Variants in GBP5 observed in about 807,000 individuals in gnomAD.
The protein encoded by GBP5 is guanylate binding protein 5, also known as guanylate-binding protein 5.
A neutral mutation model predicts 58.2 loss-of-function variants in GBP5; 48 were observed. The observed-to-expected ratio is 0.83, with a 90% confidence interval of 0.65 to 1.05. The LOEUF is 1.05. GBP5 is among the 50% of genes least tolerant of loss of function. The pLI is 0.00. For missense variants in GBP5, 714 were observed against 686.8 expected (o/e 1.04, Z -0.44); for synonymous variants, 248 against 251.8 (o/e 0.98, Z 0.14).
Position 89,263,833 on chromosome 1 carries a change from T to C in GBP5, c.1265A>G (p.Gln422Arg), listed in dbSNP as rs1296094878. 1.9e-6 allele frequency: 3 copies of C among 1,613,222 alleles called. No homozygotes were observed. In the South Asian group the frequency reaches 3.3e-5, roughly 18 times the overall value. The change falls in exon 9 of 12, where the codon CAG becomes CGG. Residue 422 changes from glutamine to arginine, a missense_variant. Transcript: ENST00000370459. ...IFGPLEEAVK[Q>R]GIYSKPGGHN... ...GCCTCCTGGCTTAGAATAAATTCCC[T>C]GCTTCACTGCTTCTTCTAGAGGACC... is the stretch of plus-strand genomic sequence containing the variant.
rs79636515 is a variant in GBP5 at position 89,267,881 on chromosome 1, C to T, written c.319-355G>A. Among the ~76,000 whole-genome samples the T allele has an allele frequency of 4.7e-3, 719 of 152,178 alleles. 29 individuals carry two copies. In the East Asian group the frequency reaches 0.086, roughly 18 times the overall value. On this transcript the variant is annotated intron_variant, in intron 4 of 11. Coordinates refer to ENST00000370459, the MANE Select transcript of GBP5 (RefSeq NM_052942.5). ...ATGCAGTTCACATTAATGATCTTAT[C>T]GAATTCTAAAAAATAGTGCTGTGAG...
At chr1:89,270,560 A>T (rs1650402919) in intron 2 of GBP5, 195 bp downstream of exon 2, 1 of 152,184 alleles carries the variant, frequency 6.6e-6, no homozygotes, top group South Asian at 2.1e-4. Context: ...CATTATGTTG[A>T]CATAAATTAA....
Position 89,258,575 on chromosome 1 carries a change from C to G in GBP5, c.*2129G>C, listed in dbSNP as rs1272725001. 6.6e-6 allele frequency among the ~76,000 whole-genome samples: 1 copy of G among 151,992 alleles called. No individual in the cohort carries two copies. Among genetic ancestry groups the G allele is most frequent in the Non-Finnish European group, 1.5e-5 (1 of 68,002 alleles). On this transcript the variant is annotated 3_prime_UTR_variant, in exon 12 of 12. Coordinates refer to ENST00000370459, the MANE Select transcript of GBP5 (RefSeq NM_052942.5). ...CACATCCTATCTGATATGAAAAATT[C>G]CTCATATTAAAGCTCTTCAAAGAAC...
At chr1:89,266,035 A>G (rs976346862) in intron 7 of GBP5, among the ~76,000 whole-genome samples, 2 of 152,224 alleles carry the variant, frequency 1.3e-5, no homozygotes, top group African/African-American at 4.8e-5. Flanking sequence ...AAATACTGTG[A>G]CACATAATAA....
chr1:89,260,177 C>T lies in GBP5; in HGVS notation c.*527G>A, dbSNP rs1649950261. ...ACACAACCTAGATCTTTTGCATGCA[C>T]AGTTCACAATAGGGTTCCCACTCCT... On this transcript the variant is annotated 3_prime_UTR_variant, in exon 12 of 12. Coordinates refer to ENST00000370459, the MANE Select transcript of GBP5 (RefSeq NM_052942.5). 6.5e-6 allele frequency: 1 copy of T among 153,176 alleles called. No homozygotes were observed. The highest frequency in any genetic ancestry group is 2.4e-5 in the African/African-American group (1 of 41,442). The allele number at this position is 153,176 out of a possible 1,614,324, so 9.5% of individuals were successfully genotyped here.
At chr1:89,271,616 G>A (rs966962797) in intron 1 of GBP5, 1 of 152,110 alleles carries the variant, frequency 6.6e-6, no homozygotes, top group Admixed American at 6.5e-5. Flanking sequence ...GCTTGCTTTT[G>A]CTTATTTTGC....
intron 2 of GBP5, chr1:89,270,137 T>C (rs1358681868): frequency 6.6e-6 from 1 of 152,230 alleles, no homozygotes; most frequent in East Asian, 1.9e-4. Context: ...ACTAATGTGC[T>C]TTATTAAACC....
Position 89,263,475 on chromosome 1 carries a change from T to G in GBP5, c.1362+261A>C, listed in dbSNP as rs116007736. 6.6e-3 allele frequency: 2,412 copies of G among 365,268 alleles called. 43 individuals are homozygous for G. Among genetic ancestry groups the G allele is most frequent in the African/African-American group, 0.044 (2,189 of 49,600 alleles). 22.6% of individuals were successfully genotyped at this position (365,268 alleles called of 1,614,324 possible). On this transcript the variant is annotated intron_variant, in intron 9 of 11. Coordinates refer to ENST00000370459, the MANE Select transcript of GBP5 (RefSeq NM_052942.5). ...AAGGCCTCTTTGTTGCAATGAATGTTGATGGTCACAAAGCAAGTCTGGTGA... is the reference window on the plus strand; with the variant it reads ...AAGGCCTCTTTGTTGCAATGAATGTGGATGGTCACAAAGCAAGTCTGGTGA...
chr1:89,265,178 A>T (rs753048745), intron 7 of GBP5, among the ~76,000 whole-genome samples: 46 of 152,226 alleles, frequency 3.0e-4, no homozygotes, highest in Non-Finnish European at 5.6e-4. Context: ...CTGTGTTCAA[A>T]TAAGAAAATA....
At position 89,260,038 on chromosome 1, in the gene GBP5, C is replaced by T. The variant is rs1196097318; in HGVS notation, c.*666G>A. On this transcript the variant is annotated 3_prime_UTR_variant, in exon 12 of 12. Transcript: ENST00000370459. The stretch of plus-strand genomic sequence containing the variant: ...CCCTCTAGGTCAGCGGTCCCCCAAC[C>T]TATTTGGCATCAGGGACCAGTTTCG... 1.3e-5 allele frequency: 2 copies of T among 152,376 alleles called. No homozygotes were observed. The highest frequency in any genetic ancestry group is 6.5e-5 in the Admixed American group (1 of 15,286). 9.4% of individuals were successfully genotyped at this position (152,376 alleles called of 1,614,324 possible). A position where few individuals can be genotyped will look rare whatever the true frequency, so the allele number is the denominator to read the frequency against.
chr1:89,265,069 T>C, intron 7 of GBP5, 103 bp from the exon 8 acceptor site: 2 of 1,146,446 alleles, frequency 1.7e-6, no homozygotes, highest in South Asian at 3.0e-5. Flanking sequence ...TTGCCTGAAA[T>C]TGTTTAGCAT....
At chr1:89,265,048 T>C in intron 7 of GBP5, 82 bp from the exon 8 acceptor site, 1 of 1,316,522 alleles carries the variant, frequency 7.6e-7, no homozygotes, top group Non-Finnish European at 1.1e-6. Context: ...AACGTACATT[T>C]AATAGTTGCA....
chr1:89,262,691 T>C lies in GBP5; in HGVS notation c.1457A>G (p.Lys486Arg). 6.3e-7 allele frequency: 1 copy of C among 1,583,878 alleles called. No homozygotes were observed. Among genetic ancestry groups the C allele is most frequent in the Non-Finnish European group, 8.7e-7 (1 of 1,154,424 alleles). The change falls in exon 10 of 12, where the codon AAG becomes AGG. Residue 486 changes from lysine to arginine, a missense_variant. Transcript: ENST00000370459. Reference protein sequence around the residue: ...TDQALTETEKKKKEAQVKAEA... With the variant: ...TDQALTETEKRKKEAQVKAEA... ...TTCCACTTTCTTCTCACCTTTCTTC[T>C]TTTTTTCCGTCTCTGTGAGAGCCTG...
chr1:89,256,751 G>A lies in GBP5; in HGVS notation c.*3953C>T, dbSNP rs1649804493. Among the ~76,000 whole-genome samples, 1 of 152,066 alleles carries A rather than the reference G, an allele frequency of 6.6e-6. No homozygotes were observed. The highest frequency in any genetic ancestry group is 2.1e-4 in the South Asian group (1 of 4,824). On this transcript the variant is annotated 3_prime_UTR_variant, in exon 12 of 12. Coordinates refer to ENST00000370459, the MANE Select transcript of GBP5 (RefSeq NM_052942.5). ...TACATTTTATATTTTATCAATTTGGGTGTGGTTCCTTTTTCTTATTTTAGT... is the reference window on the plus strand; with the variant it reads ...TACATTTTATATTTTATCAATTTGGATGTGGTTCCTTTTTCTTATTTTAGT...
At position 89,272,854 on chromosome 1, in the gene GBP5, C is replaced by T. The variant is rs1219160044; in HGVS notation, c.-530G>A. On this transcript the variant is annotated 5_prime_UTR_variant, in exon 1 of 12. Coordinates refer to ENST00000370459, the MANE Select transcript of GBP5 (RefSeq NM_052942.5). ...AAAGGTTCCACAGCCTGGAGGGTGA[C>T]CTCAGTGGGTTGCCACTGCTGGCTA... is the stretch of plus-strand genomic sequence containing the variant. 1 of 152,678 alleles carries T rather than the reference C, an allele frequency of 6.5e-6. No individual in the cohort carries two copies. The highest frequency in any genetic ancestry group is 6.5e-5 in the Admixed American group (1 of 15,298). The allele number at this position is 152,678 out of a possible 1,614,324, so 9.5% of individuals were successfully genotyped here. A position where few individuals can be genotyped will look rare whatever the true frequency, so the allele number is the denominator to read the frequency against.
intron 4 of GBP5, 33 bp downstream of exon 4, chr1:89,268,696 A>T: frequency 6.2e-7 from 1 of 1,610,956 alleles, no homozygotes; most frequent in Non-Finnish European, 8.5e-7. Context: ...CAGTTCAGAG[A>T]TTAGGAGGTT....
intron 1 of GBP5, 57 bp from the exon 2 acceptor site, chr1:89,270,919 A>G (rs1650420854): frequency 6.6e-6 from 1 of 152,242 alleles, no homozygotes; most frequent in Non-Finnish European, 1.5e-5. Flanking sequence ...AGAGCTTACA[A>G]GATCTTATGA....
At position 89,260,695 on chromosome 1, in the gene GBP5, T is replaced by C. The variant is rs772826598; in HGVS notation, c.*9A>G. 2 of 1,576,010 alleles carry C rather than the reference T, an allele frequency of 1.3e-6. No individual in the cohort carries two copies. The highest frequency in any genetic ancestry group is 2.2e-5 in the South Asian group (2 of 90,110). On this transcript the variant is annotated 3_prime_UTR_variant, in exon 12 of 12. Transcript: ENST00000370459. The stretch of plus-strand genomic sequence containing the variant: ...AGAGTAAAAAAAGGAAACTCCCATA[T>C]TTAGCACTTTAGAGTAAAACACATG...
In GBP5 at chr1:89,260,395, C is replaced by T. The variant is rs956677329; in HGVS notation, c.*309G>A. On this transcript the variant is annotated 3_prime_UTR_variant, in exon 12 of 12. Coordinates refer to ENST00000370459, the MANE Select transcript of GBP5 (RefSeq NM_052942.5). ...CCCTTATGAGAAATTAGACAGATGA[C>T]ATTGAGATGCAAGGAAAGCATCTCC... 4 of 150,788 alleles carry T rather than the reference C, an allele frequency of 2.7e-5. No homozygotes were observed. The highest frequency in any genetic ancestry group is 1.5e-4 in the African/African-American group (3 of 20,000). 9.3% of individuals were successfully genotyped at this position (150,788 alleles called of 1,614,324 possible). A position where few individuals can be genotyped will look rare whatever the true frequency, so the allele number is the denominator to read the frequency against.
Sources: gnomAD v4.1 joint callset for allele counts (sites outside exome capture counted in the v4.1 genomes callset) on GRCh38, gnomAD v4.1.1 for gene constraint, MANE v1.5 for transcripts, NCBI Gene and HGNC (gene_info 2026-07-23, HGNC 2026-07-21) for gene names.